The following CALN1 variants were observed in gnomAD, a reference collection of about 807,000 sequenced individuals.
CALN1 encodes the protein calcium-binding protein 8.
A neutral mutation model predicts 30.6 loss-of-function variants in CALN1; 17 were observed. The ratio of observed to expected loss-of-function variants is 0.56; its 90% CI spans 0.38 to 0.83. CALN1 has a LOEUF of 0.83. Among genes scored for constraint, CALN1 ranks in the 40% least tolerant of loss-of-function variants. The pLI, the probability that CALN1 is intolerant of heterozygous loss-of-function variation, is 0.00. For synonymous variants in CALN1, 156 were observed against 131.4 expected, an observed-to-expected ratio of 1.19 and a Z score of -1.28; for missense variants, 291 against 354.9, an observed-to-expected ratio of 0.82 and a Z score of 1.45.
At chr7:71,835,682 AG>A (rs1219052050) in intron 5 of CALN1, among the ~76,000 whole-genome samples, 3 of 152,234 alleles carry the variant, frequency 2.0e-5, no homozygotes, top group African/African-American at 7.2e-5. Flanking sequence ...ATAAACCACC[AG>A]CCCCATAGAA....
chr7:72,210,248 G>A (rs917869904), intron 3 of CALN1, among the ~76,000 whole-genome samples: 1 of 148,982 alleles, frequency 6.7e-6, no homozygotes, highest in Non-Finnish European at 1.5e-5. Context: ...CATTTTTCCT[G>A]TTCTTCCCCA....
At chr7:72,340,289 T>A (rs552986376) in intron 2 of CALN1, among the ~76,000 whole-genome samples, 1 of 152,238 alleles carries the variant, frequency 6.6e-6, no homozygotes, top group African/African-American at 2.4e-5. Context: ...CCCAGGCTGG[T>A]CTCAAACTCC....
the CALN1 span, among the ~76,000 whole-genome samples, chr7:72,457,943 A>C: frequency 1.3e-5 from 2 of 150,420 alleles, no homozygotes; most frequent in African/African-American, 4.9e-5. Flanking sequence ...TTTTGTAGAG[A>C]TAGGGTTTTG....
chr7:71,922,549 AAC>A (rs1020728098), intron 5 of CALN1, among the ~76,000 whole-genome samples: 34 of 128,176 alleles, frequency 2.7e-4, no homozygotes, highest in Non-Finnish European at 3.5e-4. Flanking sequence ...ATAAATATAT[AAC>A]ACACAGATTA....
intron 1 of CALN1, among the ~76,000 whole-genome samples, chr7:72,426,540 G>A (rs909216556): frequency 1.2e-4 from 19 of 152,310 alleles, no homozygotes; most frequent in South Asian, 6.2e-4. Context: ...GTGGAACTGT[G>A]AGTCAATTCA....
chr7:72,174,189 T>C (rs1789173750), intron 3 of CALN1, among the ~76,000 whole-genome samples: 1 of 152,178 alleles, frequency 6.6e-6, no homozygotes, highest in Admixed American at 6.5e-5. Flanking sequence ...ACAACAGTTA[T>C]ATACCACCAC....
At chr7:72,132,776 A>T (rs1325320573) in intron 3 of CALN1, among the ~76,000 whole-genome samples, 2 of 152,136 alleles carry the variant, frequency 1.3e-5, no homozygotes, top group African/African-American at 4.8e-5. Context: ...GGCTCTCTCC[A>T]AGACAATGTA....
At chr7:71,924,637 AT>A (rs939460591) in intron 5 of CALN1, among the ~76,000 whole-genome samples, 49 of 147,552 alleles carry the variant, frequency 3.3e-4, no homozygotes, top group East Asian at 2.2e-3. Flanking sequence ...TTTTCTCTGT[AT>A]TTTTTTTTTA....
At chr7:72,399,270 C>CTTTTTTTTTT (rs5884888) in intron 2 of CALN1, among the ~76,000 whole-genome samples, 7 of 106,776 alleles carry the variant, frequency 6.6e-5, no homozygotes, top group Admixed American at 1.1e-4. Flanking sequence ...TAACCTATTG[C>CTTTTTTTTTT]TTTTTTTTTT....
chr7:72,452,458 T>TA, the CALN1 span, among the ~76,000 whole-genome samples: 2 of 151,960 alleles, frequency 1.3e-5, no homozygotes, highest in African/African-American at 2.4e-5. Context: ...ATTTGATTGT[T>TA]AAAAAAAGAG....
At chr7:72,296,816 G>C (rs1798898151) in intron 2 of CALN1, among the ~76,000 whole-genome samples, 1 of 150,708 alleles carries the variant, frequency 6.6e-6, no homozygotes, top group South Asian at 2.1e-4. Flanking sequence ...CCAGCTCCTG[G>C]ATTCATTGAT....
chr7:71,917,194 C>T (rs1794723692), intron 5 of CALN1, among the ~76,000 whole-genome samples: 2 of 152,124 alleles, frequency 1.3e-5, no homozygotes, highest in Non-Finnish European at 2.9e-5. Flanking sequence ...CCCATTGATA[C>T]ATTTGGAAAT....
upstream of CALN1, among the ~76,000 whole-genome samples, chr7:72,415,253 C>CT (rs1807385545): frequency 6.6e-6 from 1 of 152,256 alleles, no homozygotes; most frequent in African/African-American, 2.4e-5. Context: ...CCTGTGGGAG[C>CT]ACCTGGGTCT....
At chr7:72,076,574 G>C (rs1804743803) in intron 4 of CALN1, among the ~76,000 whole-genome samples, 1 of 121,240 alleles carries the variant, frequency 8.2e-6, no homozygotes, top group Non-Finnish European at 1.6e-5. Context: ...CTCTGGCCTG[G>C]GGAACAAGAG....
rs1795576051 is a variant in CALN1 at position 71,931,924 on chromosome 7, GAAGT to G, written c.501+91729_501+91732del. On this transcript the variant is annotated intron_variant, in intron 5 of 6. Coordinates refer to ENST00000395275, the MANE Select transcript of CALN1 (RefSeq NM_031468.4). ...ACACTTTACATCAAACCTTGATTTG[GAAGT>G]GAGACACATGAGCAGAGAATCAGGG... is the stretch of plus-strand genomic sequence containing the variant. Among the ~76,000 whole-genome samples, 3 of 152,296 alleles carry G rather than the reference GAAGT, an allele frequency of 2.0e-5. No individual in the cohort carries two copies. In the South Asian group the frequency reaches 6.2e-4, roughly 32 times the overall value.
chr7:72,172,899 A>G (rs1430575448), intron 3 of CALN1, among the ~76,000 whole-genome samples: 1 of 152,154 alleles, frequency 6.6e-6, no homozygotes, highest in South Asian at 2.1e-4. Flanking sequence ...CACAAAGCAA[A>G]TATGTCCACT....
intron 3 of CALN1, among the ~76,000 whole-genome samples, chr7:72,176,870 T>A (rs1378447361): frequency 6.6e-6 from 1 of 152,162 alleles, no homozygotes; most frequent in Admixed American, 6.5e-5. Context: ...TTCTTTCTGT[T>A]GGCCCAAGAA....
chr7:71,962,430 C>T (rs1041229981), intron 5 of CALN1, among the ~76,000 whole-genome samples: 3 of 152,002 alleles, frequency 2.0e-5, no homozygotes, highest in Non-Finnish European at 4.4e-5. Flanking sequence ...TGAGCAGAAG[C>T]CAATTACCTG....
intron 1 of CALN1, among the ~76,000 whole-genome samples, chr7:72,411,768 T>C (rs760971728): frequency 6.6e-6 from 1 of 152,128 alleles, no homozygotes; most frequent in Non-Finnish European, 1.5e-5. Flanking sequence ...GACATGAATG[T>C]AATTGCTAAG....
Sources: allele counts gnomAD v4.1 joint callset (sites outside exome capture counted in the v4.1 genomes callset), GRCh38; gene constraint gnomAD v4.1.1; transcripts MANE v1.5; gene names NCBI Gene and HGNC (gene_info 2026-07-23, HGNC 2026-07-21).